The following EPHA4 variants were observed in gnomAD, a reference collection of about 807,000 sequenced individuals.
EPHA4 encodes the protein EPH receptor A4.
EPHA4 carries 19 observed loss-of-function variants against 108.3 expected under a neutral mutation model. That is an observed-to-expected ratio of 0.18 (90% CI 0.12 to 0.26). The LOEUF (loss-of-function observed/expected upper bound fraction) is 0.26, where lower values mean the gene tolerates loss of function less well. EPHA4 is among the 10% of genes least tolerant of loss of function. EPHA4 has a pLI of 1.00. For missense variants in EPHA4, 917 were observed against 1,254.0 expected (o/e 0.73, Z 4.06); for synonymous variants, 449 against 455.5 (o/e 0.99, Z 0.18).
At chr2:221,508,338 G>A (rs886204497) in intron 3 of EPHA4, among the ~76,000 whole-genome samples, 12 of 152,112 alleles carry the variant, frequency 7.9e-5, no homozygotes, top group Admixed American at 1.3e-4. Context: ...CAGCACTTTG[G>A]GAGGTCAAGG....
rs535939157 is a variant in EPHA4, at chr2:221,418,629, C to T, written c.*2743G>A. On this transcript the variant is annotated 3_prime_UTR_variant, in exon 18 of 18. Coordinates refer to ENST00000281821, the MANE Select transcript of EPHA4 (RefSeq NM_004438.5). Reference sequence around the variant, plus strand: ...AAGAACGTTTTTCAACCCACCAGAACATTTCACTCGTAAGATTGCTAAAAA... The same window carrying T: ...AAGAACGTTTTTCAACCCACCAGAATATTTCACTCGTAAGATTGCTAAAAA... The T allele has an allele frequency of 6.5e-6, 1 of 152,678 alleles. No homozygotes were observed. Among genetic ancestry groups the T allele is most frequent in the South Asian group, 2.1e-4 (1 of 4,828 alleles). 9.5% of individuals were successfully genotyped at this position (152,678 alleles called of 1,614,324 possible).
rs962831713 is a variant in EPHA4, at chr2:221,571,052, C to A, written c.91+1106G>T. On this transcript the variant is annotated intron_variant, in intron 1 of 17. Transcript: ENST00000281821. This position sits in a 1 kb window ranked among gnomAD's most constrained non-coding sequence, Gnocchi z 6.3. ...GAGCATACACTCGAACACACGCGCA[C>A]ACACTCAGGACATCTGCGCACAGAC... Among the ~76,000 whole-genome samples, 2 of 152,172 alleles carry A rather than the reference C, an allele frequency of 1.3e-5. No homozygotes were observed. Among genetic ancestry groups the A allele is most frequent in the African/African-American group, 4.8e-5 (2 of 41,440 alleles).
At chr2:221,519,007 G>A (rs1319523155) in intron 3 of EPHA4, among the ~76,000 whole-genome samples, 1 of 152,100 alleles carries the variant, frequency 6.6e-6, no homozygotes, top group Non-Finnish European at 1.5e-5. Flanking sequence ...AGCAGTAAAG[G>A]TTGGAGGGGT....
In EPHA4 at chr2:221,549,595, G is replaced by T. The variant is rs572260430; in HGVS notation, c.823+14136C>A. 5.3e-5 allele frequency among the ~76,000 whole-genome samples: 8 copies of T among 152,300 alleles called. No individual in the cohort carries two copies. The East Asian group carries it at 1.4e-3, about 26-fold the overall frequency. On this transcript the variant is annotated intron_variant, in intron 3 of 17. Coordinates refer to ENST00000281821, the MANE Select transcript of EPHA4 (RefSeq NM_004438.5). ...AACCAGAATTCTCATTGGCAGCCAGGGCTCCTGATTAAAGAGTAGCTCTAC... is the reference window on the plus strand; with the variant it reads ...AACCAGAATTCTCATTGGCAGCCAGTGCTCCTGATTAAAGAGTAGCTCTAC...
chr2:221,564,671 G>A (rs1694572319), intron 2 of EPHA4, among the ~76,000 whole-genome samples: 1 of 151,556 alleles, frequency 6.6e-6, no homozygotes, highest in Non-Finnish European at 1.5e-5. Flanking sequence ...AGTTCCTTGT[G>A]GTGGTCCAAC....
At chr2:221,486,063 G>T (rs1691964182) in intron 4 of EPHA4, among the ~76,000 whole-genome samples, 1 of 152,168 alleles carries the variant, frequency 6.6e-6, no homozygotes, top group African/African-American at 2.4e-5. Flanking sequence ...CTGACAGAGT[G>T]ATTGCCTTTG....
At chr2:221,425,013 G>A (rs1322801053) in intron 17 of EPHA4, among the ~76,000 whole-genome samples, 196 bp downstream of exon 17, 1 of 150,110 alleles carries the variant, frequency 6.7e-6, no homozygotes, top group Non-Finnish European at 1.5e-5. Flanking sequence ...CTCCCCGGAA[G>A]AATAGCAGGG....
intron 3 of EPHA4, chr2:221,501,417 C>A (rs1003727249): frequency 3.7e-5 from 14 of 382,516 alleles, no homozygotes; most frequent in African/African-American, 1.7e-4. Context: ...TTAAACCTGG[C>A]AGAATCAAGG....
chr2:221,500,512 T>C (rs1692456674), intron 4 of EPHA4, among the ~76,000 whole-genome samples: 1 of 152,240 alleles, frequency 6.6e-6, no homozygotes, highest in Admixed American at 6.5e-5. Flanking sequence ...AATGCAATCA[T>C]TAAACAAGCA....
At chr2:221,462,906 T>C (rs1384287606) in intron 5 of EPHA4, among the ~76,000 whole-genome samples, 1 of 152,228 alleles carries the variant, frequency 6.6e-6, no homozygotes, top group African/African-American at 2.4e-5. Context: ...TTCTCCTCTG[T>C]ATCTGTAGGG....
intron 8 of EPHA4, among the ~76,000 whole-genome samples, chr2:221,451,590 T>A (rs1160813846): frequency 6.6e-6 from 1 of 152,226 alleles, no homozygotes. Context: ...CAGCATCATA[T>A]AGGTACAAGA....
At chr2:221,522,220 T>C (rs993147432) in intron 3 of EPHA4, among the ~76,000 whole-genome samples, 1 of 152,180 alleles carries the variant, frequency 6.6e-6, no homozygotes, top group African/African-American at 2.4e-5. Context: ...GCTACATTCA[T>C]CGTTGAAGAA....
chr2:221,525,067 T>G lies in EPHA4; in HGVS notation c.824-23895A>C, dbSNP rs139588898. Among the ~76,000 whole-genome samples the G allele has an allele frequency of 1.2e-4, 18 of 152,316 alleles. No homozygotes were observed. The East Asian group carries it at 3.5e-3, about 29-fold the overall frequency. Reference sequence around the variant, plus strand: ...TTTTGAAAGAGTTTACTATTTGCAATGCTCACCAAATTACATGCCCATGAT... The same window carrying G: ...TTTTGAAAGAGTTTACTATTTGCAAGGCTCACCAAATTACATGCCCATGAT... On this transcript the variant is annotated intron_variant, in intron 3 of 17. Transcript: ENST00000281821.
chr2:221,499,742 A>G (rs866299117), intron 4 of EPHA4, among the ~76,000 whole-genome samples: 1 of 56,462 alleles, frequency 1.8e-5, no homozygotes, highest in East Asian at 5.5e-4. Flanking sequence ...ATATATATAT[A>G]TATATATATA....
intron 3 of EPHA4, among the ~76,000 whole-genome samples, chr2:221,521,906 G>A (rs998376372): frequency 6.6e-5 from 10 of 152,186 alleles, no homozygotes; most frequent in African/African-American, 2.2e-4. Flanking sequence ...GAACCCAGGT[G>A]GCAGACGTTG....
At chr2:221,466,311 G>C (rs1178028791) in intron 5 of EPHA4, among the ~76,000 whole-genome samples, 1 of 152,210 alleles carries the variant, frequency 6.6e-6, no homozygotes, top group Non-Finnish European at 1.5e-5. Context: ...ATTATTAACT[G>C]CTTAAGCAGA....
intron 15 of EPHA4, among the ~76,000 whole-genome samples, chr2:221,428,649 TATAGTC>T (rs1689983047): frequency 6.6e-6 from 1 of 152,216 alleles, no homozygotes; most frequent in Non-Finnish European, 1.5e-5. Flanking sequence ...AAGGAGGCCT[TATAGTC>T]ATCTATTTCA....
At position 221,504,450 on chromosome 2, in the gene EPHA4, T is replaced by C. The variant is rs114156619; in HGVS notation, c.824-3278A>G. ...TTTTAAGATAGTCTTGGTAACGTAG[T>C]ATCTTCTGGATTTTTGATGCATTGA... On this transcript the variant is annotated intron_variant, in intron 3 of 17. Transcript: ENST00000281821. 4.0e-3 allele frequency among the ~76,000 whole-genome samples: 613 copies of C among 152,252 alleles called. 4 individuals carry two copies. Among genetic ancestry groups the C allele is most frequent in the African/African-American group, 0.014 (579 of 41,528 alleles).
intron 3 of EPHA4, among the ~76,000 whole-genome samples, chr2:221,540,381 A>C (rs958167): frequency 0.59 from 88,739 of 151,570 alleles, 27,233 homozygotes; most frequent in African/African-American, 0.78. Context: ...AGTTGTCATA[A>C]CATCTCACAG....
Sources: allele counts gnomAD v4.1 joint callset (sites outside exome capture counted in the v4.1 genomes callset), GRCh38; gene constraint gnomAD v4.1.1; non-coding constraint Gnocchi (gnomAD v3.1); transcripts MANE v1.5; gene names NCBI Gene and HGNC (gene_info 2026-07-23, HGNC 2026-07-21).